Variants in VTI1B observed in about 807,000 individuals in gnomAD.
VTI1B encodes vesicle transport through interaction with t-SNAREs homolog 1B.
VTI1B carries 18 observed loss-of-function variants against 28.6 expected under a neutral mutation model. The ratio of observed to expected loss-of-function variants is 0.63; its 90% CI spans 0.43 to 0.93. The LOEUF is 0.93. Among genes scored for constraint, VTI1B ranks in the 40% least tolerant of loss-of-function variants. The probability of loss-of-function intolerance (pLI) is 0.00; values close to 1 mark genes in which losing one functional copy is unlikely to be tolerated. For synonymous variants in VTI1B, 100 were observed against 107.9 expected (o/e 0.93, Z 0.46); for missense variants, 283 against 297.0 (o/e 0.95, Z 0.35).
intron 3 of VTI1B, among the ~76,000 whole-genome samples, chr14:67,657,446 T>C (rs2037272519): frequency 6.6e-6 from 1 of 152,100 alleles, no homozygotes; most frequent in African/African-American, 2.4e-5. Flanking sequence ...CTGCCCTAAT[T>C]TTCTAAATCC....
chr14:67,674,505 G>A lies in VTI1B; in HGVS notation c.-16C>T. The A allele has an allele frequency of 6.3e-7, 1 of 1,583,598 alleles. No individual in the cohort carries two copies. Among genetic ancestry groups the A allele is most frequent in the Non-Finnish European group, 8.6e-7 (1 of 1,166,852 alleles). Reference sequence around the variant, plus strand: ...AGGAGGCCATGGCGCAGGCCGCGCTGGAGCAGCGGCCACCGAGATTCGGGG... The same window carrying A: ...AGGAGGCCATGGCGCAGGCCGCGCTAGAGCAGCGGCCACCGAGATTCGGGG... On this transcript the variant is annotated 5_prime_UTR_variant, in exon 1 of 6. Coordinates refer to ENST00000554659, the MANE Select transcript of VTI1B (RefSeq NM_006370.3).
intron 1 of VTI1B, among the ~76,000 whole-genome samples, chr14:67,673,099 C>T (rs929137254): frequency 6.6e-6 from 1 of 152,202 alleles, no homozygotes; most frequent in African/African-American, 2.4e-5. Flanking sequence ...CTATTTAAAA[C>T]TGAAGTCCCA....
rs760635992 is a variant in VTI1B at position 67,674,604 on chromosome 14, C to T, written c.-115G>A. 2 of 785,128 alleles carry T rather than the reference C, an allele frequency of 2.5e-6. No homozygotes were observed. Among genetic ancestry groups the T allele is most frequent in the Non-Finnish European group, 3.7e-6 (2 of 540,624 alleles). The allele number at this position is 785,128 out of a possible 1,614,324, so 48.6% of individuals were successfully genotyped here. On this transcript the variant is annotated 5_prime_UTR_variant, in exon 1 of 6. Transcript: ENST00000554659. ...ATAACGGCGACCGCCGCACCACCGC[C>T]GCCCAGGACGAGGCTCTTCCGGAGC... is the stretch of plus-strand genomic sequence containing the variant.
chr14:67,662,495 T>A lies in VTI1B; in HGVS notation c.156A>T (p.Gln52His). 1 of 1,612,466 alleles carries A rather than the reference T, an allele frequency of 6.2e-7. No individual in the cohort carries two copies. Among genetic ancestry groups the A allele is most frequent in the East Asian group, 2.2e-5 (1 of 44,848 alleles). The change falls in exon 2 of 6, where the codon CAA (glutamine) becomes CAT (histidine). Residue 52 changes from glutamine to histidine, a missense_variant. Gln to His is a conservative substitution (Grantham distance 24). Transcript: ENST00000554659. Reference sequence around the variant, plus strand: ...TTCTCACCGTTTCATTTGCTTCCTGTTGCTTTTCATCAAAATCCCTGATCA... The same window carrying A: ...TTCTCACCGTTTCATTTGCTTCCTGATGCTTTTCATCAAAATCCCTGATCA... ...KKLIRDFDEK[Q>H]QEANETLAEM...
intron 1 of VTI1B, among the ~76,000 whole-genome samples, chr14:67,664,798 A>G (rs2037380419): frequency 6.6e-6 from 1 of 152,120 alleles, no homozygotes; most frequent in African/African-American, 2.4e-5. Flanking sequence ...TTATGGAGAA[A>G]TGGCATGTGG....
At position 67,648,285 on chromosome 14, in the gene VTI1B, G is replaced by T; in HGVS notation, c.*3100C>A. 7.5e-7 allele frequency: 1 copy of T among 1,332,998 alleles called. No individual in the cohort carries two copies. The highest frequency in any genetic ancestry group is 1.0e-6 in the Non-Finnish European group (1 of 988,882). 82.6% of individuals were successfully genotyped at this position (1,332,998 alleles called of 1,614,324 possible). The stretch of plus-strand genomic sequence containing the variant: ...TTCTGCTATTCCACATCATTGCAGA[G>T]TTTGTTTTTGCTTAAACTTTTGTAG... On this transcript the variant is annotated 3_prime_UTR_variant, in exon 6 of 6. Coordinates refer to ENST00000554659, the MANE Select transcript of VTI1B (RefSeq NM_006370.3).
At chr14:67,664,726 T>C (rs1028268433) in intron 1 of VTI1B, among the ~76,000 whole-genome samples, 18 of 152,310 alleles carry the variant, frequency 1.2e-4, no homozygotes, top group African/African-American at 3.8e-4. Context: ...CTCAAACTCC[T>C]GACCTCAAGT....
intron 1 of VTI1B, among the ~76,000 whole-genome samples, chr14:67,667,214 G>A (rs914808682): frequency 1.3e-5 from 2 of 152,198 alleles, no homozygotes; most frequent in African/African-American, 4.8e-5. Flanking sequence ...AAGGTGGGCA[G>A]CCTCTCTTCC....
rs980474730 is a variant in VTI1B at position 67,647,248 on chromosome 14, A to G, written c.*4137T>C. On this transcript the variant is annotated 3_prime_UTR_variant, in exon 6 of 6. Coordinates refer to ENST00000554659, the MANE Select transcript of VTI1B (RefSeq NM_006370.3). ...CATTGCCTAGATCTTCTGTCTCATGAATTTTTCTTTATCTCCATCTTTAAT... is the reference window on the plus strand; with the variant it reads ...CATTGCCTAGATCTTCTGTCTCATGGATTTTTCTTTATCTCCATCTTTAAT... 2.3e-6 allele frequency: 1 copy of G among 435,286 alleles called. No homozygotes were observed. The highest frequency in any genetic ancestry group is 4.1e-6 in the Non-Finnish European group (1 of 245,946). The allele number at this position is 435,286 out of a possible 1,614,324, so 27.0% of individuals were successfully genotyped here. A position where few individuals can be genotyped will look rare whatever the true frequency, so the allele number is the denominator to read the frequency against.
intron 5 of VTI1B, among the ~76,000 whole-genome samples, chr14:67,652,922 C>G (rs1379697089): frequency 6.6e-6 from 1 of 152,022 alleles, no homozygotes. Flanking sequence ...TCCTGAGTAG[C>G]TGGGATTACA....
At chr14:67,672,354 A>C (rs887565598) in intron 1 of VTI1B, among the ~76,000 whole-genome samples, 21 of 151,842 alleles carry the variant, frequency 1.4e-4, no homozygotes, top group Non-Finnish European at 2.5e-4. Flanking sequence ...CGTTCAACAC[A>C]GCAATACTCC....
chr14:67,651,592 G>C, intron 5 of VTI1B, 111 bp from the exon 6 acceptor site: 1 of 1,200,220 alleles, frequency 8.3e-7, no homozygotes, highest in South Asian at 1.5e-5. Flanking sequence ...CTGTATGTTT[G>C]ATCACACAGC....
intron 2 of VTI1B, among the ~76,000 whole-genome samples, 160 bp downstream of exon 2, chr14:67,662,317 C>T (rs1016832989): frequency 2.6e-5 from 4 of 152,078 alleles, no homozygotes; most frequent in Non-Finnish European, 1.5e-5. Flanking sequence ...TTTGCCAAAC[C>T]CCCTCAACAA....
intron 4 of VTI1B, among the ~76,000 whole-genome samples, chr14:67,654,223 G>A (rs2140803788): frequency 6.6e-6 from 1 of 152,196 alleles, no homozygotes; most frequent in Non-Finnish European, 1.5e-5. Context: ...AACCCCACAT[G>A]TCCCCAAGTA....
chr14:67,673,941 C>T (rs2037500410), intron 1 of VTI1B, among the ~76,000 whole-genome samples: 1 of 152,212 alleles, frequency 6.6e-6, no homozygotes, highest in African/African-American at 2.4e-5. Flanking sequence ...TACCAACACC[C>T]CCAAATTATG....
intron 1 of VTI1B, among the ~76,000 whole-genome samples, chr14:67,666,842 T>C (rs943154807): frequency 2.0e-5 from 3 of 152,180 alleles, no homozygotes; most frequent in African/African-American, 7.2e-5. Flanking sequence ...TAAACAACTG[T>C]ATACTGTATA....
In VTI1B at chr14:67,674,374, C is replaced by G. The variant is rs1329165460; in HGVS notation, c.115+1G>C. The G allele has an allele frequency of 6.3e-7, 1 of 1,591,470 alleles. No individual in the cohort carries two copies. Among genetic ancestry groups the G allele is most frequent in the Non-Finnish European group, 8.5e-7 (1 of 1,171,240 alleles). On this transcript the variant is annotated splice_donor_variant, in intron 1 of 5. Coordinates refer to ENST00000554659, the MANE Select transcript of VTI1B (RefSeq NM_006370.3). LOFTEE classifies it high-confidence loss of function. ...CACGGCGTGGCCCACCCCCGCCTCA[C>G]CGGTCCCCGCCGTCCCCAGCAGCCG...
At chr14:67,656,007 A>G (rs1472466948) in intron 4 of VTI1B, among the ~76,000 whole-genome samples, 1 of 152,306 alleles carries the variant, frequency 6.6e-6, no homozygotes, top group East Asian at 1.9e-4. Context: ...GCACTTTGGG[A>G]GGCCGGAGCA....
Position 67,662,542 on chromosome 14 carries a change from A to T in VTI1B, c.116-7T>A. On this transcript the variant is annotated splice_polypyrimidine_tract_variant and splice_region_variant and intron_variant, in intron 1 of 5. Coordinates refer to ENST00000554659, the MANE Select transcript of VTI1B (RefSeq NM_006370.3). Reference sequence around the variant, plus strand: ...ATCAATTTCTTCTTTTCTTCTAGAAAAGATAGATAAGTTTCAAATGCTTAT... The same window carrying T: ...ATCAATTTCTTCTTTTCTTCTAGAATAGATAGATAAGTTTCAAATGCTTAT... 1 of 1,606,880 alleles carries T rather than the reference A, an allele frequency of 6.2e-7. No individual in the cohort carries two copies. The highest frequency in any genetic ancestry group is 1.1e-5 in the South Asian group (1 of 90,344).
Sources: allele counts gnomAD v4.1 joint callset (sites outside exome capture counted in the v4.1 genomes callset), GRCh38; gene constraint gnomAD v4.1.1; transcripts MANE v1.5; gene names NCBI Gene and HGNC (gene_info 2026-07-23, HGNC 2026-07-21).